The following CYREN variants were observed in gnomAD, a reference collection of about 807,000 sequenced individuals.
CYREN encodes the protein cell cycle regulator of NHEJ.
Under a neutral mutation model 9.7 loss-of-function variants are expected in CYREN, and 7 were observed. The ratio of observed to expected loss-of-function variants is 0.72; its 90% CI spans 0.41 to 1.36. CYREN has a LOEUF of 1.36. Among genes scored for constraint, CYREN ranks in the 40% most tolerant of loss-of-function variants. The pLI, the probability that CYREN is intolerant of heterozygous loss-of-function variation, is 0.01. For synonymous variants in CYREN, 76 were observed against 77.9 expected (o/e 0.98, Z 0.13); for missense variants, 215 against 198.1 (o/e 1.09, Z -0.51).
intron 2 of CYREN, chr7:135,115,694 G>A (rs1826220868): frequency 1.0e-5 from 12 of 1,159,668 alleles, no homozygotes; most frequent in Middle Eastern, 2.7e-4. Flanking sequence ...ATTATCCTAC[G>A]AAAAAAAAAT....
intron 2 of CYREN, among the ~76,000 whole-genome samples, chr7:135,137,016 A>G (rs1356937143): frequency 1.3e-5 from 2 of 152,024 alleles, no homozygotes; most frequent in East Asian, 1.9e-4. Flanking sequence ...AAAGCTATTT[A>G]TTCTCTCAGC....
downstream of CYREN, chr7:135,165,269 TGCTTTAATTAATGGATCTGA>T (rs112195135): frequency 8.7e-4 from 332 of 380,488 alleles, 5 homozygotes; most frequent in African/African-American, 5.4e-3. Flanking sequence ...CACCAATTCC[TGCTTTAATTAATGGATCTGA>T]GCAAATCTTC....
At chr7:135,159,947 T>G (rs1298582644) in intron 2 of CYREN, among the ~76,000 whole-genome samples, 1 of 152,228 alleles carries the variant, frequency 6.6e-6, no homozygotes, top group Non-Finnish European at 1.5e-5. Flanking sequence ...AAACATAAGT[T>G]GATTCACAAA....
At chr7:135,164,945 G>A, downstream of CYREN, 2 of 1,612,068 alleles carry the variant, frequency 1.2e-6, no homozygotes, top group South Asian at 1.1e-5. Context: ...TTATAGCCAT[G>A]GCTGTGTTCC....
chr7:135,127,131 CT>C (rs1827988074), intron 2 of CYREN, among the ~76,000 whole-genome samples: 1 of 152,126 alleles, frequency 6.6e-6, no homozygotes, highest in African/African-American at 2.4e-5. Context: ...TGACAAAGGT[CT>C]AATATCCAGA....
intron 2 of CYREN, among the ~76,000 whole-genome samples, chr7:135,116,597 C>G (rs776397843): frequency 6.6e-6 from 1 of 152,146 alleles, no homozygotes; most frequent in Non-Finnish European, 1.5e-5. Context: ...CAATGACACC[C>G]TGGGGGAGGA....
chr7:135,166,866 G>C lies in CYREN; in HGVS notation c.219C>G (p.Arg73=). Residue 73 remains arginine (R), a synonymous_variant, in exon 4 of 4, where the codon CGC becomes CGG. Coordinates refer to ENST00000393114, the MANE Select transcript of CYREN (RefSeq NM_024033.4). The part of the protein sequence containing the change: ...DVALGILIES[R]KQEKACEQPA... The stretch of plus-strand genomic sequence containing the variant: ...GCTGCTCGCAGGCCTTTTCCTGTTT[G>C]CGGCTCTGTGGAGTACGGGAAAACG... The C allele has an allele frequency of 6.2e-7, 1 of 1,613,402 alleles. No individual in the cohort carries two copies. The highest frequency in any genetic ancestry group is 8.5e-7 in the Non-Finnish European group (1 of 1,179,418).
intron 2 of CYREN, among the ~76,000 whole-genome samples, chr7:135,119,060 C>T (rs949337477): frequency 2.6e-5 from 4 of 151,944 alleles, no homozygotes; most frequent in Admixed American, 6.6e-5. Flanking sequence ...ATTCACATAT[C>T]GTAGTTTCAG....
At chr7:135,102,176 T>G (rs935484275) in intron 2 of CYREN, among the ~76,000 whole-genome samples, 5 of 152,192 alleles carry the variant, frequency 3.3e-5, no homozygotes, top group Non-Finnish European at 7.3e-5. Context: ...TTATAGTAAG[T>G]AAGGCTAAAG....
chr7:135,138,123 GACAA>G, intron 2 of CYREN, among the ~76,000 whole-genome samples: 1 of 151,902 alleles, frequency 6.6e-6, no homozygotes, highest in African/African-American at 2.4e-5. Context: ...GACTTTTTCA[GACAA>G]ACAAAAATTG....
chr7:135,156,878 G>T (rs1465126402), intron 2 of CYREN, among the ~76,000 whole-genome samples: 2 of 152,162 alleles, frequency 1.3e-5, no homozygotes, highest in Non-Finnish European at 2.9e-5. Context: ...AATCATGGGG[G>T]CTGGTCTTTC....
chr7:135,132,988 T>C (rs531011458), intron 2 of CYREN, among the ~76,000 whole-genome samples: 1 of 152,096 alleles, frequency 6.6e-6, no homozygotes, highest in South Asian at 2.1e-4. Flanking sequence ...AAAAATAAAA[T>C]GATCCCTACT....
exon 3 of CYREN, chr7:135,092,408 T>G (rs1055639779): frequency 2.6e-5 from 4 of 152,232 alleles, no homozygotes; most frequent in Non-Finnish European, 5.9e-5. Flanking sequence ...ATCCTGAAAC[T>G]ATTCTATGGT....
intron 2 of CYREN, among the ~76,000 whole-genome samples, chr7:135,160,570 T>C (rs1585354808): frequency 2.0e-5 from 3 of 152,118 alleles, no homozygotes; most frequent in Admixed American, 6.5e-5. Flanking sequence ...ATTCTGTCCA[T>C]AGTTCAACAG....
At chr7:135,145,798 A>G (rs1829535746) in intron 2 of CYREN, among the ~76,000 whole-genome samples, 1 of 152,196 alleles carries the variant, frequency 6.6e-6, no homozygotes, top group Non-Finnish European at 1.5e-5. Flanking sequence ...ACTGCAATAA[A>G]GCAAGTATTA....
At chr7:135,165,096 C>G (rs557742539), downstream of CYREN, 190 of 1,415,180 alleles carry the variant, frequency 1.3e-4, 1 homozygote, top group East Asian at 3.1e-3. Flanking sequence ...ATCTCCAGCT[C>G]CAGCGATGGA....
chr7:135,160,401 T>C (rs1462459557), intron 2 of CYREN, among the ~76,000 whole-genome samples: 3 of 152,152 alleles, frequency 2.0e-5, no homozygotes, highest in Admixed American at 1.3e-4. Context: ...ATTACCAGGA[T>C]TGTTTAAGAA....
chr7:135,144,520 G>A (rs1298737748), intron 2 of CYREN, among the ~76,000 whole-genome samples: 4 of 152,050 alleles, frequency 2.6e-5, no homozygotes, highest in African/African-American at 9.7e-5. Context: ...AAAGCAACAA[G>A]CTCAACCATA....
intron 2 of CYREN, among the ~76,000 whole-genome samples, chr7:135,134,420 T>A (rs1829198193): frequency 6.6e-6 from 1 of 152,106 alleles, no homozygotes; most frequent in African/African-American, 2.4e-5. Flanking sequence ...CTCACGTTGA[T>A]TTTTTTACTG....
Sources: allele counts gnomAD v4.1 joint callset (sites outside exome capture counted in the v4.1 genomes callset), GRCh38; gene constraint gnomAD v4.1.1; transcripts MANE v1.5; gene names NCBI Gene and HGNC (gene_info 2026-07-23, HGNC 2026-07-21).